The following CSMD3 variants were observed in gnomAD, a reference collection of about 807,000 sequenced individuals.
CSMD3 encodes CUB and sushi domain-containing protein 3.
Under a neutral mutation model 435.2 loss-of-function variants are expected in CSMD3, and 177 were observed. The observed-to-expected ratio is 0.41, with a 90% CI of 0.36 to 0.46. The LOEUF (loss-of-function observed/expected upper bound fraction) is 0.46, where lower values mean the gene tolerates loss of function less well. CSMD3 is among the 20% of genes least tolerant of loss of function. The pLI is 0.34. For synonymous variants in CSMD3, 1,656 were observed against 1,520.5 expected (o/e 1.09, Z -2.07); for missense variants, 4,265 against 4,504.6 (o/e 0.95, Z 1.52).
intron 10 of CSMD3, among the ~76,000 whole-genome samples, chr8:112,895,696 T>G (rs1226776639): frequency 6.6e-6 from 1 of 151,144 alleles, no homozygotes; most frequent in Admixed American, 6.6e-5. Context: ...AGGAGCAACT[T>G]TGAGGAAAAA....
At position 112,314,038 on chromosome 8, in the gene CSMD3, T is replaced by C; in HGVS notation, c.7564A>G (p.Ser2522Gly). 1 of 1,608,638 alleles carries C rather than the reference T, an allele frequency of 6.2e-7. No individual in the cohort carries two copies. Among genetic ancestry groups the C allele is most frequent in the Non-Finnish European group, 8.5e-7 (1 of 1,175,560 alleles). The change falls in exon 49 of 71, where the codon AGT (serine) becomes GGT (glycine). Residue 2522 changes from serine to glycine, a missense_variant. Around this residue, in one of 3 missense-constraint regions of CSMD3, gnomAD observed 3,255 missense variants for 3,380.2 expected, o/e 0.96. Coordinates refer to ENST00000297405, the MANE Select transcript of CSMD3 (RefSeq NM_198123.2). ...CCACTGAGGGAAATAAGCACTGGACTTTGAATATTTGGTCCTTTGGGAAGA... is the reference window on the plus strand; with the variant it reads ...CCACTGAGGGAAATAAGCACTGGACCTTGAATATTTGGTCCTTTGGGAAGA... ...LQVYDGPNIQ[S>G]PVLISLSGDY...
At chr8:113,372,836 A>C (rs2133059524) in intron 1 of CSMD3, among the ~76,000 whole-genome samples, 1 of 151,542 alleles carries the variant, frequency 6.6e-6, no homozygotes, top group South Asian at 2.1e-4. Flanking sequence ...CGGGAGGCTG[A>C]GGCAGGAGAA....
chr8:113,208,677 A>G (rs1472381846), intron 3 of CSMD3, among the ~76,000 whole-genome samples: 2 of 152,112 alleles, frequency 1.3e-5, no homozygotes, highest in East Asian at 1.9e-4. Context: ...AGATGAAAAA[A>G]GGTAATTAAC....
intron 5 of CSMD3, among the ~76,000 whole-genome samples, chr8:113,055,702 T>C (rs1050475896): frequency 2.0e-5 from 3 of 152,152 alleles, no homozygotes; most frequent in African/African-American, 7.2e-5. Flanking sequence ...AGTTTTAAGT[T>C]CAAGAGAAGA....
At chr8:112,587,900 A>G (rs2131357613) in intron 22 of CSMD3, among the ~76,000 whole-genome samples, 1 of 152,022 alleles carries the variant, frequency 6.6e-6, no homozygotes, top group East Asian at 1.9e-4. Flanking sequence ...TGGTACTGCT[A>G]AACCTTCAGG....
At chr8:113,286,658 C>T (rs1343675630) in intron 2 of CSMD3, among the ~76,000 whole-genome samples, 4 of 150,970 alleles carry the variant, frequency 2.6e-5, no homozygotes, top group Admixed American at 1.3e-4. Flanking sequence ...TTTATTTTTT[C>T]TGGGAGAGTT....
intron 5 of CSMD3, among the ~76,000 whole-genome samples, chr8:113,020,336 G>T (rs2086643944): frequency 6.6e-6 from 1 of 151,976 alleles, no homozygotes; most frequent in African/African-American, 2.4e-5. Context: ...CTCAAAACAA[G>T]TATCTTAAAA....
At chr8:112,531,356 T>C (rs1825517899) in intron 27 of CSMD3, among the ~76,000 whole-genome samples, 4 of 151,990 alleles carry the variant, frequency 2.6e-5, no homozygotes, top group Admixed American at 2.6e-4. Flanking sequence ...AGGCTATCAA[T>C]AAACATCAGC....
chr8:112,794,653 TAC>T (rs2132305503), intron 13 of CSMD3, among the ~76,000 whole-genome samples: 1 of 152,064 alleles, frequency 6.6e-6, no homozygotes, highest in East Asian at 1.9e-4. Flanking sequence ...TGTAGAGCTG[TAC>T]AGAATTAGGA....
intron 4 of CSMD3, among the ~76,000 whole-genome samples, chr8:113,135,132 G>A (rs1296203767): frequency 6.6e-6 from 1 of 151,948 alleles, no homozygotes; most frequent in African/African-American, 2.4e-5. Flanking sequence ...ATTGAAACCA[G>A]AGCAGACTGT....
intron 33 of CSMD3, 53 bp from the exon 34 acceptor site, chr8:112,408,466 C>T (rs2130067783): frequency 2.8e-6 from 3 of 1,069,108 alleles, no homozygotes; most frequent in Admixed American, 1.7e-5. Context: ...ATTCAGTAAA[C>T]CTAACAAATT....
intron 61 of CSMD3, among the ~76,000 whole-genome samples, chr8:112,259,881 T>A (rs1460722599): frequency 6.6e-6 from 1 of 152,158 alleles, no homozygotes; most frequent in Non-Finnish European, 1.5e-5. Context: ...ATTGTTTCTA[T>A]AACTAACTTA....
At chr8:113,399,920 G>A (rs2094502232) in intron 1 of CSMD3, among the ~76,000 whole-genome samples, 1 of 149,894 alleles carries the variant, frequency 6.7e-6, no homozygotes, top group Non-Finnish European at 1.5e-5. Flanking sequence ...ATTTGTATTG[G>A]CTAGAATTAT....
At chr8:113,384,753 G>A (rs2094432171) in intron 1 of CSMD3, among the ~76,000 whole-genome samples, 1 of 152,096 alleles carries the variant, frequency 6.6e-6, no homozygotes, top group South Asian at 2.1e-4. Context: ...CAAGAATACA[G>A]GAACACAGGA....
chr8:112,313,777 G>C, intron 49 of CSMD3, 129 bp downstream of exon 49: 1 of 716,682 alleles, frequency 1.4e-6, no homozygotes, highest in Non-Finnish European at 2.5e-6. Context: ...TACATAAATT[G>C]TCCAGGAACC....
At chr8:112,494,510 T>TA (rs1821087312) in intron 30 of CSMD3, among the ~76,000 whole-genome samples, 1 of 81,978 alleles carries the variant, frequency 1.2e-5, no homozygotes, top group Non-Finnish European at 2.8e-5. Flanking sequence ...TTTCTTTCTT[T>TA]CTTTCTTTCT....
chr8:112,489,594 T>C (rs1820481722), intron 31 of CSMD3, among the ~76,000 whole-genome samples: 1 of 152,182 alleles, frequency 6.6e-6, no homozygotes, highest in Non-Finnish European at 1.5e-5. Context: ...AAATAAGTTA[T>C]TTAATATGAT....
At chr8:112,639,116 A>G (rs1207332255) in intron 20 of CSMD3, among the ~76,000 whole-genome samples, 1 of 152,040 alleles carries the variant, frequency 6.6e-6, no homozygotes, top group African/African-American at 2.4e-5. Context: ...AGATATAATG[A>G]GTCATGTCTT....
intron 22 of CSMD3, among the ~76,000 whole-genome samples, chr8:112,619,373 C>A (rs1833895941): frequency 6.6e-6 from 1 of 151,770 alleles, no homozygotes; most frequent in Non-Finnish European, 1.5e-5. Context: ...TTTATTATCA[C>A]CCTTTCAAAA....
Sources: gnomAD v4.1 joint callset for allele counts (sites outside exome capture counted in the v4.1 genomes callset) on GRCh38, gnomAD v4.1.1 for gene constraint, gnomAD v4.1.1 regional missense constraint, MANE v1.5 for transcripts, NCBI Gene and HGNC (gene_info 2026-07-23, HGNC 2026-07-21) for gene names.